MAGEB17: variants seen among roughly 807,000 people sequenced by gnomAD.
MAGEB17 encodes MAGE family member B17.
For missense variants in MAGEB17, 251 were observed against 281.4 expected (o/e 0.89, Z 0.77); for synonymous variants, 110 against 112.4 (o/e 0.98, Z 0.13).
rs767603094 is a variant in MAGEB17 at position 16,170,178 on chromosome X, A to G, written c.-49-156A>G. Reference sequence around the variant, plus strand: ...AGGCTGCAGGGCAAGGAGCACTGTAACTTCCTCCCCAGGGTCCCCAGGGGA... The same window carrying G: ...AGGCTGCAGGGCAAGGAGCACTGTAGCTTCCTCCCCAGGGTCCCCAGGGGA... On this transcript the variant is annotated intron_variant, in intron 1 of 1. Coordinates refer to ENST00000400004, the MANE Select transcript of MAGEB17 (RefSeq NM_001277307.2). Among the ~76,000 whole-genome samples the G allele has an allele frequency of 8.9e-5, 10 of 112,152 alleles. No homozygotes were observed. The South Asian group carries it at 3.7e-3, about 42-fold the overall frequency.
In MAGEB17 at chrX:16,170,348, C is replaced by T; in HGVS notation, c.-35C>T. 1 of 1,133,827 alleles carries T rather than the reference C, an allele frequency of 8.8e-7. No homozygotes were observed. Among genetic ancestry groups the T allele is most frequent in the South Asian group, 2.1e-5 (1 of 47,570 alleles). The allele number at this position is 1,133,827 out of a possible 1,213,427, so 93.4% of individuals were successfully genotyped here. ...TCCTGCTCCAGGTGCCCACCTCCTGCACCCTCTTGCCTGCTGCCCCTAAGC... is the reference window on the plus strand; with the variant it reads ...TCCTGCTCCAGGTGCCCACCTCCTGTACCCTCTTGCCTGCTGCCCCTAAGC... On this transcript the variant is annotated 5_prime_UTR_variant, in exon 2 of 2. Transcript: ENST00000400004.
At chrX:16,168,261 G>A (rs1182877192) in intron 1 of MAGEB17, among the ~76,000 whole-genome samples, 1 of 110,793 alleles carries the variant, frequency 9.0e-6, no homozygotes, top group Admixed American at 9.4e-5. Flanking sequence ...CAGGAGGATC[G>A]CTTGAGCCCA....
intron 1 of MAGEB17, among the ~76,000 whole-genome samples, chrX:16,168,160 C>T (rs1196487133): frequency 9.0e-6 from 1 of 110,650 alleles, no homozygotes; most frequent in African/African-American, 3.3e-5. Flanking sequence ...AGTAACAAAG[C>T]GAGACCCTCT....
At position 16,171,235 on chromosome X, in the gene MAGEB17, A is replaced by T; in HGVS notation, c.853A>T (p.Lys285Ter). The T allele has an allele frequency of 1.7e-6, 2 of 1,210,055 alleles. No individual in the cohort carries two copies. Among genetic ancestry groups the T allele is most frequent in the Non-Finnish European group, 2.2e-6 (2 of 894,864 alleles). ...PRARAETSKM[K>*]VLEFVAKLND... The stretch of plus-strand genomic sequence containing the variant: ...GGCCCGTGCTGAAACCAGCAAAATG[A>T]AAGTCCTGGAGTTTGTGGCCAAGCT... The change falls in exon 2 of 2, where the codon AAA (lysine) becomes TAA (stop). Residue 285 changes from lysine to a stop codon, truncating the protein, a stop_gained. Coordinates refer to ENST00000400004, the MANE Select transcript of MAGEB17 (RefSeq NM_001277307.2). LOFTEE classifies it low-confidence loss of function (END_TRUNC).
Position 16,170,701 on chromosome X carries a change from G to A in MAGEB17, c.319G>A (p.Asp107Asn). 8.6e-7 allele frequency: 1 copy of A among 1,167,414 alleles called. No homozygotes were observed. The change falls in exon 2 of 2, where the codon GAT becomes AAT. Residue 107 changes from aspartate (D) to asparagine (N), a missense_variant. Asp to Asn is a conservative substitution (Grantham distance 23, BLOSUM62 1). Coordinates refer to ENST00000400004, the MANE Select transcript of MAGEB17 (RefSeq NM_001277307.2). ...GTCCTCCTCTGAGAGCACAGGAAGAGATCTTCTGAACACGAAGACGGGCGA... is the reference window on the plus strand; with the variant it reads ...GTCCTCCTCTGAGAGCACAGGAAGAAATCTTCTGAACACGAAGACGGGCGA... ...GPSSSESTGRDLLNTKTGELV... is the reference protein window; with the variant it reads ...GPSSSESTGRNLLNTKTGELV...
intron 1 of MAGEB17, among the ~76,000 whole-genome samples, chrX:16,169,691 G>A (rs1017642203): frequency 1.3e-4 from 14 of 111,563 alleles, no homozygotes; most frequent in African/African-American, 4.6e-4. Flanking sequence ...GAGTCGGATA[G>A]AGGGCCCCTC....
At position 16,171,174 on chromosome X, in the gene MAGEB17, C is replaced by G; in HGVS notation, c.792C>G (p.Ser264Arg). 8.3e-7 allele frequency: 1 copy of G among 1,210,176 alleles called. No homozygotes were observed. The highest frequency in any genetic ancestry group is 1.7e-5 in the African/African-American group (1 of 57,751). ...TGGAGTACCAGCAGGTGCCCAGCAGCGATCCTCCACGCTACGAGTTCCTGT... is the reference window on the plus strand; with the variant it reads ...TGGAGTACCAGCAGGTGCCCAGCAGGGATCCTCCACGCTACGAGTTCCTGT... Reference protein sequence around the residue: ...GYLEYQQVPSSDPPRYEFLWG... With the variant: ...GYLEYQQVPSRDPPRYEFLWG... Residue 264 changes from serine (S) to arginine (R), a missense_variant, in exon 2 of 2, where the codon AGC becomes AGG. Ser to Arg is a moderately radical substitution (Grantham distance 110). Transcript: ENST00000400004.
At chrX:16,168,475 C>T (rs1922988687) in intron 1 of MAGEB17, among the ~76,000 whole-genome samples, 1 of 112,588 alleles carries the variant, frequency 8.9e-6, no homozygotes, top group African/African-American at 3.2e-5. Flanking sequence ...TGACTTTTCC[C>T]TCTAGCAACT....
chrX:16,170,221 C>T (rs1021425473), intron 1 of MAGEB17, 113 bp from the exon 2 acceptor site: 1 of 1,024,576 alleles, frequency 9.8e-7, no homozygotes, highest in African/African-American at 1.9e-5. Flanking sequence ...CCCTGGAGAA[C>T]AGGAGCCTGG....
rs965050139 is a variant in MAGEB17, at chrX:16,167,799, G to A, written c.-50+16G>A. The A allele has an allele frequency of 9.0e-6, 1 of 111,711 alleles. No homozygotes were observed. Among genetic ancestry groups the A allele is most frequent in the African/African-American group, 3.3e-5 (1 of 30,663 alleles). 9.2% of individuals were successfully genotyped at this position (111,711 alleles called of 1,213,427 possible). On this transcript the variant is annotated intron_variant, in intron 1 of 1. Coordinates refer to ENST00000400004, the MANE Select transcript of MAGEB17 (RefSeq NM_001277307.2). ...GGGTATCAAGGTAAGGACCCTGATCGTGGACTGAAAGGCCCACCACACGCA... is the reference window on the plus strand; with the variant it reads ...GGGTATCAAGGTAAGGACCCTGATCATGGACTGAAAGGCCCACCACACGCA...
Position 16,169,487 on chromosome X carries a change from A to G in MAGEB17, c.-49-847A>G, listed in dbSNP as rs143407307. 8.4e-3 allele frequency among the ~76,000 whole-genome samples: 942 copies of G among 112,024 alleles called. 11 individuals carry two copies. Among genetic ancestry groups the G allele is most frequent in the African/African-American group, 0.029 (901 of 30,793 alleles). On this transcript the variant is annotated intron_variant, in intron 1 of 1. Coordinates refer to ENST00000400004, the MANE Select transcript of MAGEB17 (RefSeq NM_001277307.2). Reference sequence around the variant, plus strand: ...GTGGCCAGCTGAGGTGACCGTCACTACTTCCTAGGGGTATTTCAGAATGGA... The same window carrying G: ...GTGGCCAGCTGAGGTGACCGTCACTGCTTCCTAGGGGTATTTCAGAATGGA...
At position 16,167,582 on chromosome X, in the gene MAGEB17, T is replaced by G. The variant is rs1569131119; in HGVS notation, c.-251T>G. On this transcript the variant is annotated 5_prime_UTR_variant, in exon 1 of 2. Coordinates refer to ENST00000400004, the MANE Select transcript of MAGEB17 (RefSeq NM_001277307.2). ...TTGGAGTCCCGGAGAGGACACTGAG[T>G]ACACTGGAGAGGACTTCTATGCAAA... The G allele has an allele frequency of 9.1e-6, 1 of 109,938 alleles. No individual in the cohort carries two copies. Among genetic ancestry groups the G allele is most frequent in the African/African-American group, 3.3e-5 (1 of 30,101 alleles). The allele number at this position is 109,938 out of a possible 1,213,427, so 9.1% of individuals were successfully genotyped here.
In MAGEB17 at chrX:16,170,343, T is replaced by C; in HGVS notation, c.-40T>C. ...GTTCCTCCTGCTCCAGGTGCCCACC[T>C]CCTGCACCCTCTTGCCTGCTGCCCC... On this transcript the variant is annotated 5_prime_UTR_variant, in exon 2 of 2. Transcript: ENST00000400004. 8.8e-7 allele frequency: 1 copy of C among 1,131,117 alleles called. No homozygotes were observed. Among genetic ancestry groups the C allele is most frequent in the Non-Finnish European group, 1.2e-6 (1 of 855,293 alleles). The allele number at this position is 1,131,117 out of a possible 1,213,427, so 93.2% of individuals were successfully genotyped here.
In MAGEB17 at chrX:16,171,306, T is replaced by C. The variant is rs780674965; in HGVS notation, c.924T>C (p.Ala308=). Residue 308 remains alanine, a synonymous_variant, in exon 2 of 2, where the codon GCT becomes GCC. Coordinates refer to ENST00000400004, the MANE Select transcript of MAGEB17 (RefSeq NM_001277307.2). The part of the protein sequence containing the change: ...ASTYKSRYEE[A]LREEEEQARA... ...CCTACAAGTCCCGGTATGAGGAGGCTCTGAGAGAGGAGGAAGAGCAAGCCA... is the reference window on the plus strand; with the variant it reads ...CCTACAAGTCCCGGTATGAGGAGGCCCTGAGAGAGGAGGAAGAGCAAGCCA... The C allele has an allele frequency of 8.4e-7, 1 of 1,195,030 alleles. No individual in the cohort carries two copies. The highest frequency in any genetic ancestry group is 2.3e-5 in the Admixed American group (1 of 43,887).
intron 1 of MAGEB17, among the ~76,000 whole-genome samples, chrX:16,169,259 A>AGTGGCATTTCCTCCC (rs1923007481): frequency 8.9e-6 from 1 of 111,876 alleles, no homozygotes; most frequent in Non-Finnish European, 1.9e-5. Context: ...TGGCATGGTG[A>AGTGGCATTTCCTCCC]GTGGCATTTC....
chrX:16,169,749 C>T (rs1187998454), intron 1 of MAGEB17, among the ~76,000 whole-genome samples: 2 of 111,114 alleles, frequency 1.8e-5, no homozygotes, highest in African/African-American at 6.6e-5. Flanking sequence ...GGGGCTGAGG[C>T]TGGAGGAATC....
At chrX:16,168,473 C>T (rs1163742534) in intron 1 of MAGEB17, among the ~76,000 whole-genome samples, 1 of 112,571 alleles carries the variant, frequency 8.9e-6, no homozygotes, top group Non-Finnish European at 1.9e-5. Flanking sequence ...CGTGACTTTT[C>T]CCTCTAGCAA....
chrX:16,171,441 A>G lies in MAGEB17; in HGVS notation c.*48A>G. 2 of 1,068,536 alleles carry G rather than the reference A, an allele frequency of 1.9e-6. No individual in the cohort carries two copies. Among genetic ancestry groups the G allele is most frequent in the Non-Finnish European group, 2.4e-6 (2 of 825,970 alleles). 88.1% of individuals were successfully genotyped at this position (1,068,536 alleles called of 1,213,427 possible). On this transcript the variant is annotated 3_prime_UTR_variant, in exon 2 of 2. Coordinates refer to ENST00000400004, the MANE Select transcript of MAGEB17 (RefSeq NM_001277307.2). ...TAAGAGATTGAAAAGCCTGTCCACC[A>G]TCTCAGTATTTGGGGGTGAGGTGGG...
chrX:16,170,400 G>A lies in MAGEB17; in HGVS notation c.18G>A (p.Ala6=), dbSNP rs771993848. ...CAGTCATCATGCCTCGCGGTCAGGC[G>A]AGTAAGCGCCGTGCCCGTGAGAAAC... is the stretch of plus-strand genomic sequence containing the variant. MPRGQ[A]SKRRAREKRR... The change falls in exon 2 of 2, where the codon GCG becomes GCA. Residue 6 remains alanine, a synonymous_variant. Coordinates refer to ENST00000400004, the MANE Select transcript of MAGEB17 (RefSeq NM_001277307.2). 1.7e-5 allele frequency: 20 copies of A among 1,162,275 alleles called. No individual in the cohort carries two copies. The East Asian group carries it at 3.9e-4, about 23-fold the overall frequency.
Sources: allele counts gnomAD v4.1 joint callset (sites outside exome capture counted in the v4.1 genomes callset), GRCh38; gene constraint gnomAD v4.1.1; transcripts MANE v1.5; gene names NCBI Gene and HGNC (gene_info 2026-07-23, HGNC 2026-07-21).